The following KLHL1 variants were observed in gnomAD, a reference collection of about 807,000 sequenced individuals.
KLHL1 encodes the protein kelch like family member 1, also known as kelch-like protein 1.
Under a neutral mutation model 77.7 loss-of-function variants are expected in KLHL1, and 47 were observed. The ratio of observed to expected loss-of-function variants is 0.60; its 90% CI spans 0.48 to 0.77. The LOEUF is 0.77. Among genes scored for constraint, KLHL1 ranks in the 30% least tolerant of loss-of-function variants. The pLI is 0.00. For synonymous variants in KLHL1, 360 were observed against 325.2 expected (o/e 1.11, Z -1.15); for missense variants, 925 against 910.8 (o/e 1.02, Z -0.20).
At chr13:69,810,733 TG>T (rs1171225340) in intron 6 of KLHL1, among the ~76,000 whole-genome samples, 2 of 151,480 alleles carry the variant, frequency 1.3e-5, no homozygotes, top group Admixed American at 1.3e-4. Flanking sequence ...AACTAAAAGT[TG>T]GTTAACAAAA....
intron 1 of KLHL1, among the ~76,000 whole-genome samples, chr13:70,058,672 T>C (rs111855297): frequency 6.6e-6 from 1 of 152,110 alleles, no homozygotes; most frequent in African/African-American, 2.4e-5. Context: ...ATGATTCCTA[T>C]AAAATACCAA....
At chr13:69,921,249 T>G (rs1418240222) in intron 4 of KLHL1, among the ~76,000 whole-genome samples, 2 of 152,222 alleles carry the variant, frequency 1.3e-5, no homozygotes, top group African/African-American at 4.8e-5. Context: ...GTCACTCCTA[T>G]TGTCTGCAAC....
At chr13:69,756,178 T>G (rs530351539) in intron 7 of KLHL1, among the ~76,000 whole-genome samples, 1 of 152,256 alleles carries the variant, frequency 6.6e-6, no homozygotes, top group South Asian at 2.1e-4. Context: ...TAATAGTCTT[T>G]GTCACACCCT....
intron 1 of KLHL1, among the ~76,000 whole-genome samples, chr13:69,988,207 G>A (rs2137309144): frequency 6.6e-6 from 1 of 152,108 alleles, no homozygotes; most frequent in African/African-American, 2.4e-5. Flanking sequence ...GTGAGAATGT[G>A]TGGTGGTGTT....
chr13:69,865,977 A>G (rs1339286579), intron 5 of KLHL1, among the ~76,000 whole-genome samples: 1 of 152,120 alleles, frequency 6.6e-6, no homozygotes, highest in African/African-American at 2.4e-5. Context: ...CATGAGGTGA[A>G]ATCTAATGGT....
chr13:69,900,748 T>G (rs1228718282), intron 4 of KLHL1, among the ~76,000 whole-genome samples: 2 of 152,208 alleles, frequency 1.3e-5, no homozygotes, highest in Non-Finnish European at 2.9e-5. Context: ...GATAATTCCT[T>G]TCCTTTTATC....
At chr13:69,912,570 A>C (rs1043763307) in intron 4 of KLHL1, among the ~76,000 whole-genome samples, 8 of 152,208 alleles carry the variant, frequency 5.3e-5, no homozygotes, top group Admixed American at 5.2e-4. Context: ...TTTTTTTATT[A>C]AAAGATTCCT....
chr13:69,771,598 G>A (rs533426453), intron 7 of KLHL1, among the ~76,000 whole-genome samples: 2 of 152,222 alleles, frequency 1.3e-5, no homozygotes, highest in African/African-American at 2.4e-5. Flanking sequence ...CACTTTAGCC[G>A]CTTCTAGTAA....
chr13:70,021,299 T>C (rs950371413), intron 1 of KLHL1, among the ~76,000 whole-genome samples: 8 of 152,114 alleles, frequency 5.3e-5, no homozygotes, highest in Non-Finnish European at 7.4e-5. Context: ...CACTCACTAA[T>C]ATGCATTAAA....
intron 9 of KLHL1, among the ~76,000 whole-genome samples, chr13:69,712,783 TTTTG>T (rs1183755761): frequency 6.3e-4 from 77 of 122,878 alleles, no homozygotes; most frequent in African/African-American, 2.3e-3. Flanking sequence ...GGGGGGGGGG[TTTTG>T]TTTGTTTGCT....
At chr13:69,840,700 ATGTATG>A (rs1414602251) in intron 5 of KLHL1, among the ~76,000 whole-genome samples, 12 of 120,206 alleles carry the variant, frequency 1.0e-4, no homozygotes, top group Non-Finnish European at 2.1e-4. Flanking sequence ...ATATATATAT[ATGTATG>A]TATGTATGTA....
intron 4 of KLHL1, among the ~76,000 whole-genome samples, chr13:69,887,838 C>A (rs923750893): frequency 2.6e-5 from 4 of 152,132 alleles, no homozygotes; most frequent in Non-Finnish European, 5.9e-5. Flanking sequence ...TTGTTCAAGG[C>A]AATATCAGTT....
rs141354266 is a variant in KLHL1 at position 69,780,057 on chromosome 13, C to T, written c.1639+16681G>A. ...TCCTGATCTCGGGTGATCTACCCACCTTGGCCTTCCAAAGTGCTGGGATGA... is the reference window on the plus strand; with the variant it reads ...TCCTGATCTCGGGTGATCTACCCACTTTGGCCTTCCAAAGTGCTGGGATGA... On this transcript the variant is annotated intron_variant, in intron 7 of 10. Coordinates refer to ENST00000377844, the MANE Select transcript of KLHL1 (RefSeq NM_020866.3). 7.1e-4 allele frequency among the ~76,000 whole-genome samples: 108 copies of T among 152,288 alleles called. 1 individual carries two copies. The highest frequency in any genetic ancestry group is 2.4e-3 in the African/African-American group (98 of 41,558).
At chr13:69,754,549 C>A (rs77628493) in intron 7 of KLHL1, among the ~76,000 whole-genome samples, 3,269 of 152,168 alleles carry the variant, frequency 0.021, 109 homozygotes, top group African/African-American at 0.075. Flanking sequence ...TACTTTCCAA[C>A]TGGATTGTAA....
intron 1 of KLHL1, among the ~76,000 whole-genome samples, chr13:70,031,128 A>G (rs1247213900): frequency 8.1e-6 from 1 of 123,060 alleles, no homozygotes; most frequent in Non-Finnish European, 1.9e-5. Context: ...AAAAAAACCC[A>G]GATGTTAGCT....
rs530069603 is a variant in KLHL1 at position 69,810,066 on chromosome 13, A to C, written c.1415-13104T>G. Among the ~76,000 whole-genome samples the C allele has an allele frequency of 2.0e-4, 30 of 152,260 alleles. 1 individual carries two copies. Among genetic ancestry groups the C allele is most frequent in the African/African-American group, 7.2e-4 (30 of 41,568 alleles). On this transcript the variant is annotated intron_variant, in intron 6 of 10. Coordinates refer to ENST00000377844, the MANE Select transcript of KLHL1 (RefSeq NM_020866.3). ...AAAACAATTCTAGACCTAAGAAAAG[A>C]CTTTGACAGCCACAAAGTAATAGTG...
At chr13:70,000,082 G>A (rs1191258488) in intron 1 of KLHL1, among the ~76,000 whole-genome samples, 1 of 151,868 alleles carries the variant, frequency 6.6e-6, no homozygotes, top group Non-Finnish European at 1.5e-5. Flanking sequence ...GTTTAAAAGA[G>A]GCTGGCACCT....
chr13:70,037,372 C>T (rs1566521227), intron 1 of KLHL1, among the ~76,000 whole-genome samples: 1 of 152,002 alleles, frequency 6.6e-6, no homozygotes, highest in East Asian at 1.9e-4. Flanking sequence ...TATCTCTTGG[C>T]TTTTGCTGTT....
chr13:69,706,811 C>T (rs1875647326), intron 10 of KLHL1, among the ~76,000 whole-genome samples: 1 of 151,926 alleles, frequency 6.6e-6, no homozygotes, highest in Non-Finnish European at 1.5e-5. Context: ...ATAAGCAAGG[C>T]CACAGTAGCT....
Sources: allele counts gnomAD v4.1 joint callset (sites outside exome capture counted in the v4.1 genomes callset), GRCh38; gene constraint gnomAD v4.1.1; transcripts MANE v1.5; gene names NCBI Gene and HGNC (gene_info 2026-07-23, HGNC 2026-07-21).